Variants in RNF216 observed in about 807,000 individuals in gnomAD.
RNF216 encodes the protein E3 ubiquitin-protein ligase RNF216.
A neutral mutation model predicts 110.8 loss-of-function variants in RNF216; 72 were observed. The ratio of observed to expected loss-of-function variants is 0.65; its 90% CI spans 0.54 to 0.79. RNF216 has a LOEUF of 0.79. RNF216 is among the 30% of genes least tolerant of loss of function. RNF216 has a pLI of 0.00. For missense variants in RNF216, 1,342 were observed against 1,141.2 expected, an observed-to-expected ratio of 1.18 and a Z score of -2.54; for synonymous variants, 495 against 407.5, an observed-to-expected ratio of 1.21 and a Z score of -2.59.
chr7:5,760,892 A>C (rs1418382488), intron 2 of RNF216, 111 bp downstream of exon 2: 1 of 848,210 alleles, frequency 1.2e-6, no homozygotes, highest in East Asian at 2.7e-5. Flanking sequence ...TCAAAAACGA[A>C]ATGTCCCTGG....
intron 1 of RNF216, among the ~76,000 whole-genome samples, chr7:5,771,018 G>A (rs1254403004): frequency 6.6e-6 from 1 of 152,142 alleles, no homozygotes; most frequent in Non-Finnish European, 1.5e-5. Context: ...ATGTTGGCCA[G>A]GCTGGTCTCG....
Position 5,739,356 on chromosome 7 carries a change from G to T in RNF216, c.1045-4C>A, listed in dbSNP as rs759484197. On this transcript the variant is annotated splice_region_variant and splice_polypyrimidine_tract_variant and intron_variant, in intron 4 of 16. Coordinates refer to ENST00000389902, the MANE Select transcript of RNF216 (RefSeq NM_207111.4). ...CTACATCTGGAAATCTTGCTTCCTA[G>T]AAACAAATAAGAACATAATTTATAT... is the stretch of plus-strand genomic sequence containing the variant. The T allele has an allele frequency of 6.3e-7, 1 of 1,591,422 alleles. No homozygotes were observed. The highest frequency in any genetic ancestry group is 1.2e-5 in the South Asian group (1 of 86,408).
At chr7:5,646,624 C>A (rs956728046) in intron 14 of RNF216, among the ~76,000 whole-genome samples, 2 of 149,326 alleles carry the variant, frequency 1.3e-5, no homozygotes, top group African/African-American at 5.0e-5. Context: ...ACCTGGGAGG[C>A]GGAGGTTGCA....
At chr7:5,700,718 G>A (rs1791910346) in intron 13 of RNF216, among the ~76,000 whole-genome samples, 1 of 152,162 alleles carries the variant, frequency 6.6e-6, no homozygotes, top group Admixed American at 6.5e-5. Context: ...TGTTTTAGTA[G>A]AGACCAAAAA....
intron 1 of RNF216, among the ~76,000 whole-genome samples, chr7:5,777,013 C>T (rs1035276917): frequency 1.3e-5 from 2 of 151,942 alleles, no homozygotes; most frequent in Admixed American, 6.6e-5. Flanking sequence ...AGCACAACAG[C>T]TTTCACTTAG....
intron 15 of RNF216, among the ~76,000 whole-genome samples, chr7:5,640,412 G>T (rs1396648684): frequency 6.6e-6 from 1 of 152,036 alleles, no homozygotes; most frequent in Non-Finnish European, 1.5e-5. Flanking sequence ...CCCTGAAATG[G>T]CTCTCATCAC....
chr7:5,729,871 A>G (rs1375124892), intron 6 of RNF216, among the ~76,000 whole-genome samples: 1 of 152,160 alleles, frequency 6.6e-6, no homozygotes, highest in East Asian at 1.9e-4. Flanking sequence ...CATATTTACG[A>G]ACAACTATTT....
chr7:5,739,697 G>A (rs564114771), intron 4 of RNF216: 37 of 458,250 alleles, frequency 8.1e-5, no homozygotes, highest in Admixed American at 4.7e-4. Context: ...ACAACCTAGT[G>A]CCTAGATAAA....
intron 13 of RNF216, among the ~76,000 whole-genome samples, 195 bp downstream of exon 13, chr7:5,711,566 C>T (rs1293385404): frequency 2.0e-5 from 3 of 152,152 alleles, no homozygotes; most frequent in Non-Finnish European, 2.9e-5. Context: ...ACTGGAGTGG[C>T]AAGAGTGGCT....
At chr7:5,656,456 C>T (rs774280203) in intron 13 of RNF216, among the ~76,000 whole-genome samples, 26 of 152,176 alleles carry the variant, frequency 1.7e-4, no homozygotes, top group Non-Finnish European at 3.2e-4. Context: ...GTGGCCATCG[C>T]GCGGGACCAC....
intron 7 of RNF216, among the ~76,000 whole-genome samples, chr7:5,726,007 T>C (rs3943984): frequency 0.98 from 149,047 of 152,226 alleles, 72,980 homozygotes; most frequent in Middle Eastern, 0.99. Flanking sequence ...CTGGGTGCAG[T>C]GGCTCACACC....
rs765327870 is a variant in RNF216, at chr7:5,721,104, G to C, written c.1573C>G (p.Arg525Gly). The C allele has an allele frequency of 6.2e-7, 1 of 1,613,830 alleles. No individual in the cohort carries two copies. The highest frequency in any genetic ancestry group is 8.5e-7 in the Non-Finnish European group (1 of 1,179,806). The change falls in exon 9 of 17, where the codon CGA becomes GGA. Residue 525 changes from arginine (R) to glycine (G), a missense_variant. Physicochemically the swap from Arg to Gly is moderately radical, Grantham distance 125. Coordinates refer to ENST00000389902, the MANE Select transcript of RNF216 (RefSeq NM_207111.4). ...NKRRHCRSYDRRALLPAVQQE... is the reference protein window; with the variant it reads ...NKRRHCRSYDGRALLPAVQQE... ...TGCACAGCTGGAAGGAGAGCACGTCGGTCATAGGACCTACAATGTCGTCGC... is the reference window on the plus strand; with the variant it reads ...TGCACAGCTGGAAGGAGAGCACGTCCGTCATAGGACCTACAATGTCGTCGC...
chr7:5,649,331 G>A (rs1258886703), intron 14 of RNF216, among the ~76,000 whole-genome samples: 2 of 151,770 alleles, frequency 1.3e-5, no homozygotes, highest in African/African-American at 2.4e-5. Flanking sequence ...GGCGGAGGTC[G>A]CAATGACCCG....
chr7:5,712,908 T>C (rs1157929950), intron 11 of RNF216, 45 bp from the exon 12 acceptor site: 2 of 1,559,378 alleles, frequency 1.3e-6, no homozygotes, highest in Admixed American at 1.9e-5. Context: ...CAATACCATT[T>C]ATAGAAAAAT....
chr7:5,755,229 GGGAA>G (rs1795568727), intron 2 of RNF216, among the ~76,000 whole-genome samples: 1 of 87,108 alleles, frequency 1.1e-5, no homozygotes, highest in African/African-American at 4.5e-5. Context: ...AAGGAAGGGA[GGGAA>G]GGATGAAAGG....
At chr7:5,730,389 T>C (rs1242683683) in intron 6 of RNF216, among the ~76,000 whole-genome samples, 1 of 152,230 alleles carries the variant, frequency 6.6e-6, no homozygotes, top group Non-Finnish European at 1.5e-5. Flanking sequence ...AATAAAATGT[T>C]AAGAGTTTTG....
At chr7:5,729,950 A>G (rs1793991252) in intron 6 of RNF216, among the ~76,000 whole-genome samples, 1 of 152,234 alleles carries the variant, frequency 6.6e-6, no homozygotes, top group Non-Finnish European at 1.5e-5. Context: ...ATCAAGCAAC[A>G]GATCTTAATA....
At chr7:5,712,652 T>C (rs1792783910) in intron 12 of RNF216, 63 bp downstream of exon 12, 1 of 1,527,414 alleles carries the variant, frequency 6.5e-7, no homozygotes, top group Non-Finnish European at 9.0e-7. Flanking sequence ...CTGATGCAAG[T>C]GCCCAGGTAG....
intron 13 of RNF216, among the ~76,000 whole-genome samples, chr7:5,692,625 C>T (rs1258547721): frequency 1.3e-5 from 2 of 152,142 alleles, no homozygotes; most frequent in South Asian, 2.1e-4. Flanking sequence ...CAGCTCCTTC[C>T]ACACACCACA....
Sources: allele counts gnomAD v4.1 joint callset (sites outside exome capture counted in the v4.1 genomes callset), GRCh38; gene constraint gnomAD v4.1.1; transcripts MANE v1.5; gene names NCBI Gene and HGNC (gene_info 2026-07-23, HGNC 2026-07-21).